The following ATG2B variants were observed in gnomAD, a reference collection of about 807,000 sequenced individuals.
ATG2B encodes the protein autophagy-related protein 2 homolog B.
A neutral mutation model predicts 241.3 loss-of-function variants in ATG2B; 121 were observed. The observed-to-expected ratio is 0.50, with a 90% CI of 0.43 to 0.58. The LOEUF is 0.58. Ranked by LOEUF, ATG2B falls within the 20% of genes least tolerant of loss-of-function variation. ATG2B has a pLI of 0.00. For missense variants in ATG2B, 2,306 were observed against 2,491.6 expected, an observed-to-expected ratio of 0.93 and a Z score of 1.59; for synonymous variants, 858 against 876.6, an observed-to-expected ratio of 0.98 and a Z score of 0.37.
In ATG2B at chr14:96,290,753, G is replaced by A; in HGVS notation, c.5701+61C>T. ...TGGTCCTCACATAAGTTCTCAAAGGGATAAGAATTACTCATCTGAAAAAAT... is the reference window on the plus strand; with the variant it reads ...TGGTCCTCACATAAGTTCTCAAAGGAATAAGAATTACTCATCTGAAAAAAT... On this transcript the variant is annotated intron_variant, in intron 39 of 41. Transcript: ENST00000359933. The surrounding 1 kb of genome is among the most constrained non-coding windows in gnomAD (Gnocchi z 4.4). The A allele has an allele frequency of 6.3e-7, 1 of 1,574,834 alleles. No homozygotes were observed. The highest frequency in any genetic ancestry group is 1.2e-5 in the South Asian group (1 of 85,416).
chr14:96,332,947 C>A (rs1464490537), intron 8 of ATG2B, among the ~76,000 whole-genome samples: 1 of 151,920 alleles, frequency 6.6e-6, no homozygotes, highest in African/African-American at 2.4e-5. Context: ...ATGTGATATG[C>A]CAGTTTAGGA....
rs1356168043 is a variant in ATG2B at position 96,311,580 on chromosome 14, T to TTA, written c.3950_3951dup (p.Thr1318Ter). 1.2e-6 allele frequency: 2 copies of TTA among 1,610,154 alleles called. No individual in the cohort carries two copies. The highest frequency in any genetic ancestry group is 1.7e-6 in the Non-Finnish European group (2 of 1,177,600). On this transcript the variant is annotated frameshift_variant, in exon 27 of 42. Transcript: ENST00000359933. LOFTEE classifies it high-confidence loss of function. ...GAATCAGACTTCACTGCAGTTATGG[T>TTA]TAACTCCAAAAGCCCCATATCCATC... is the stretch of plus-strand genomic sequence containing the variant.
In ATG2B at chr14:96,345,388, G is replaced by A; in HGVS notation, c.326-3C>T. The A allele has an allele frequency of 3.2e-6, 5 of 1,586,846 alleles. No homozygotes were observed. Among genetic ancestry groups the A allele is most frequent in the Non-Finnish European group, 4.3e-6 (5 of 1,170,626 alleles). On this transcript the variant is annotated splice_polypyrimidine_tract_variant and splice_region_variant and intron_variant, in intron 2 of 41. Coordinates refer to ENST00000359933, the MANE Select transcript of ATG2B (RefSeq NM_018036.7). ...ATACATAGGCTCAGAACCAGTTGCT[G>A]TGGAAAATATAAATTAATCCTAAAT... is the stretch of plus-strand genomic sequence containing the variant.
intron 18 of ATG2B, among the ~76,000 whole-genome samples, chr14:96,318,450 A>T (rs1352852969): frequency 6.6e-6 from 1 of 152,158 alleles, no homozygotes; most frequent in Non-Finnish European, 1.5e-5. Flanking sequence ...CCAGCTCCCA[A>T]TTCAGTTCTT....
chr14:96,336,929 A>T (rs1281328066), intron 6 of ATG2B, among the ~76,000 whole-genome samples: 2 of 152,190 alleles, frequency 1.3e-5, no homozygotes, highest in African/African-American at 4.8e-5. Context: ...AAGGGGCCTG[A>T]GTAATCAGTA....
rs767627409 is a variant in ATG2B at position 96,323,966 on chromosome 14, T to C, written c.2470A>G (p.Ile824Val). 2.5e-6 allele frequency: 4 copies of C among 1,609,796 alleles called. No homozygotes were observed. Among genetic ancestry groups the C allele is most frequent in the East Asian group, 2.2e-5 (1 of 44,772 alleles). The change falls in exon 16 of 42, where the codon ATT becomes GTT. Residue 824 changes from isoleucine (I) to valine (V), a missense_variant. Ile to Val is a conservative substitution (Grantham distance 29, BLOSUM62 3). Transcript: ENST00000359933. ...CCACTAGACACATGGAAAAACTTAA[T>C]AGATGGATCTCCTTTCTCTTCCTGG... Reference protein sequence around the residue: ...SFQEEKGDPSIKFFHVSSGVD... With the variant: ...SFQEEKGDPSVKFFHVSSGVD...
At chr14:96,308,263 T>TAC (rs1887038919) in intron 29 of ATG2B, among the ~76,000 whole-genome samples, 1 of 26,454 alleles carries the variant, frequency 3.8e-5, no homozygotes, top group Non-Finnish European at 8.5e-5. Context: ...CACACATATA[T>TAC]ATATATATAT....
In ATG2B at chr14:96,280,226, A is replaced by C. The variant is rs778392585; in HGVS notation, c.*5529T>G. 4 of 152,222 alleles carry C rather than the reference A, an allele frequency of 2.6e-5. No homozygotes were observed. The highest frequency in any genetic ancestry group is 5.9e-5 in the Non-Finnish European group (4 of 68,044). The allele number at this position is 152,222 out of a possible 1,614,324, so 9.4% of individuals were successfully genotyped here. A position where few individuals can be genotyped will look rare whatever the true frequency, so the allele number is the denominator to read the frequency against. On this transcript the variant is annotated 3_prime_UTR_variant, in exon 42 of 42. Coordinates refer to ENST00000359933, the MANE Select transcript of ATG2B (RefSeq NM_018036.7). ...TCTAGCAAAATTCTGTGGTTTCCCA[A>C]TTAGTGAAGACTTTTTGCTAAGTTA... is the stretch of plus-strand genomic sequence containing the variant.
At chr14:96,347,429 C>G in intron 1 of ATG2B, 88 bp from the exon 2 acceptor site, 1 of 995,078 alleles carries the variant, frequency 1.0e-6, no homozygotes. Context: ...TATGCCCACA[C>G]ATGTTAGGCA....
chr14:96,348,395 C>T (rs1274134382), intron 1 of ATG2B, among the ~76,000 whole-genome samples: 1 of 151,998 alleles, frequency 6.6e-6, no homozygotes, highest in East Asian at 1.9e-4. Flanking sequence ...AATGAATAAG[C>T]CCAAGGGCCA....
intron 34 of ATG2B, among the ~76,000 whole-genome samples, chr14:96,298,346 T>C (rs1886703440): frequency 6.6e-6 from 1 of 152,226 alleles, no homozygotes; most frequent in African/African-American, 2.4e-5. Context: ...CAACAGCCAC[T>C]GTGAAGAATT....
At chr14:96,299,977 T>G (rs868845116) in intron 34 of ATG2B, among the ~76,000 whole-genome samples, 2 of 152,204 alleles carry the variant, frequency 1.3e-5, no homozygotes, top group African/African-American at 4.8e-5. Flanking sequence ...GGTATAGCAA[T>G]CTTAAAAGAG....
intron 20 of ATG2B, 68 bp from the exon 21 acceptor site, chr14:96,316,751 G>A (rs1887324351): frequency 7.2e-7 from 1 of 1,381,620 alleles, no homozygotes; most frequent in South Asian, 1.3e-5. Flanking sequence ...TGTTCCTTGA[G>A]ATGCTCTTTG....
At chr14:96,324,864 G>A (rs184325029) in intron 15 of ATG2B, among the ~76,000 whole-genome samples, 1 of 152,066 alleles carries the variant, frequency 6.6e-6, no homozygotes, top group African/African-American at 2.4e-5. Context: ...AAAACCGAGA[G>A]AGAAAAGAAG....
At position 96,280,056 on chromosome 14, in the gene ATG2B, T is replaced by C. The variant is rs1354222333; in HGVS notation, c.*5699A>G. ...TTATAGAAAGAAATCTTCCAGGTGG[T>C]GCTAACCCCTACTCACGGGCATGCA... On this transcript the variant is annotated 3_prime_UTR_variant, in exon 42 of 42. Transcript: ENST00000359933. 6.6e-6 allele frequency: 1 copy of C among 152,238 alleles called. No individual in the cohort carries two copies. The highest frequency in any genetic ancestry group is 2.4e-5 in the African/African-American group (1 of 41,416). The allele number at this position is 152,238 out of a possible 1,614,324, so 9.4% of individuals were successfully genotyped here.
At chr14:96,322,783 G>A (rs747914972) in intron 16 of ATG2B, 48 bp from the exon 17 acceptor site, 1 of 1,516,784 alleles carries the variant, frequency 6.6e-7, no homozygotes, top group South Asian at 1.2e-5. Flanking sequence ...AGTGTAAACA[G>A]CAAAACTTTA....
intron 34 of ATG2B, among the ~76,000 whole-genome samples, chr14:96,301,001 C>T (rs1161108963): frequency 6.6e-6 from 1 of 152,228 alleles, no homozygotes; most frequent in African/African-American, 2.4e-5. Context: ...AAATACTCTA[C>T]TTCCAAACCT....
At chr14:96,348,437 C>G (rs930864036) in intron 1 of ATG2B, among the ~76,000 whole-genome samples, 1 of 152,084 alleles carries the variant, frequency 6.6e-6, no homozygotes, top group African/African-American at 2.4e-5. Context: ...AATCCCGGCA[C>G]TTTGGGAGGC....
intron 6 of ATG2B, among the ~76,000 whole-genome samples, chr14:96,340,738 C>A (rs1438430686): frequency 6.6e-6 from 1 of 151,886 alleles, no homozygotes; most frequent in Non-Finnish European, 1.5e-5. Flanking sequence ...CATAGTGAGA[C>A]CCTGTCTCTA....
Sources: gnomAD v4.1 joint callset for allele counts (sites outside exome capture counted in the v4.1 genomes callset) on GRCh38, gnomAD v4.1.1 for gene constraint, Gnocchi (gnomAD v3.1) non-coding constraint, MANE v1.5 for transcripts, NCBI Gene and HGNC (gene_info 2026-07-23, HGNC 2026-07-21) for gene names.